KIAA0825: variants seen among roughly 807,000 people sequenced by gnomAD.
KIAA0825 encodes the protein KIAA0825.
KIAA0825 carries 119 observed loss-of-function variants against 147.6 expected under a neutral mutation model. That is an observed-to-expected ratio of 0.81 (90% CI 0.69 to 0.94). The LOEUF is 0.94. Ranked by LOEUF, KIAA0825 falls within the 40% of genes least tolerant of loss-of-function variation. KIAA0825 has a pLI of 0.00. For missense variants in KIAA0825, 1,381 were observed against 1,472.7 expected, an observed-to-expected ratio of 0.94 and a Z score of 1.02; for synonymous variants, 470 against 518.1, an observed-to-expected ratio of 0.91 and a Z score of 1.26.
chr5:94,242,008 A>G (rs918919590), intron 20 of KIAA0825, among the ~76,000 whole-genome samples: 1 of 152,228 alleles, frequency 6.6e-6, no homozygotes, highest in East Asian at 1.9e-4. Context: ...ACTCATTTAT[A>G]TGGAAAGAGA....
intron 19 of KIAA0825, among the ~76,000 whole-genome samples, chr5:94,385,250 A>G (rs1330691124): frequency 4.6e-5 from 7 of 152,188 alleles, no homozygotes; most frequent in African/African-American, 1.7e-4. Flanking sequence ...AGTTTTGAAA[A>G]CAAGAGTCCA....
At chr5:94,319,953 T>C (rs1037375313) in intron 20 of KIAA0825, among the ~76,000 whole-genome samples, 2 of 151,998 alleles carry the variant, frequency 1.3e-5, no homozygotes, top group African/African-American at 2.4e-5. Context: ...GCTCCAGTCC[T>C]AAGGGTCTTC....
intron 20 of KIAA0825, among the ~76,000 whole-genome samples, chr5:94,301,103 T>C (rs1449649601): frequency 6.6e-6 from 1 of 152,214 alleles, no homozygotes; most frequent in African/African-American, 2.4e-5. Flanking sequence ...ATAGCCTCTT[T>C]CACTTTTAAA....
At chr5:94,190,939 G>C (rs994428156) in intron 20 of KIAA0825, among the ~76,000 whole-genome samples, 2 of 152,128 alleles carry the variant, frequency 1.3e-5, no homozygotes, top group African/African-American at 4.8e-5. Flanking sequence ...ATCTGAGTTA[G>C]TATGGGTAGG....
intron 20 of KIAA0825, among the ~76,000 whole-genome samples, chr5:94,352,553 G>A (rs1331568616): frequency 6.6e-6 from 1 of 152,118 alleles, no homozygotes; most frequent in Non-Finnish European, 1.5e-5. Context: ...ATTTGATCCA[G>A]CAATCCCACT....
intron 20 of KIAA0825, among the ~76,000 whole-genome samples, chr5:94,308,601 A>G (rs530301962): frequency 9.2e-5 from 14 of 151,848 alleles, no homozygotes; most frequent in Non-Finnish European, 1.8e-4. Context: ...GCTGAATACA[A>G]AGATTACTCA....
chr5:94,224,327 C>A (rs935798204), intron 20 of KIAA0825, among the ~76,000 whole-genome samples: 1 of 151,714 alleles, frequency 6.6e-6, no homozygotes, highest in Non-Finnish European at 1.5e-5. Context: ...AACTCCTGAC[C>A]TCAGGTGATC....
At chr5:94,478,004 T>A (rs1762091753) in intron 6 of KIAA0825, among the ~76,000 whole-genome samples, 1 of 152,198 alleles carries the variant, frequency 6.6e-6, no homozygotes, top group Admixed American at 6.5e-5. Context: ...CTAACTTTTC[T>A]TTTTTCCCCA....
intron 20 of KIAA0825, among the ~76,000 whole-genome samples, chr5:94,166,513 T>C (rs975028425): frequency 6.9e-6 from 1 of 145,852 alleles, no homozygotes; most frequent in African/African-American, 2.5e-5. Flanking sequence ...TGTTTTTTTT[T>C]TTTTTTTTTT....
chr5:94,381,752 G>A (rs967508612), intron 20 of KIAA0825, among the ~76,000 whole-genome samples: 2 of 152,100 alleles, frequency 1.3e-5, no homozygotes, highest in Non-Finnish European at 2.9e-5. Context: ...TAAAGATAAG[G>A]AAATCTAAAG....
intron 18 of KIAA0825, among the ~76,000 whole-genome samples, chr5:94,390,752 G>C (rs1309953268): frequency 6.6e-6 from 1 of 152,162 alleles, no homozygotes; most frequent in Admixed American, 6.5e-5. Flanking sequence ...CCCTGAAAAT[G>C]TATGGTTATA....
rs1241314093 is a variant in KIAA0825 at position 94,273,247 on chromosome 5, C to T, written c.3710+111121G>A. On this transcript the variant is annotated intron_variant, in intron 20 of 20. Transcript: ENST00000682413. Reference sequence around the variant, plus strand: ...GAAGTTGTTACTACAGTGCCTTGCACATAGTAAGAACTCAAAAAATGTTAG... The same window carrying T: ...GAAGTTGTTACTACAGTGCCTTGCATATAGTAAGAACTCAAAAAATGTTAG... 2.6e-5 allele frequency among the ~76,000 whole-genome samples: 4 copies of T among 152,154 alleles called. No individual in the cohort carries two copies. The East Asian group carries it at 7.7e-4, about 29-fold the overall frequency.
intron 1 of KIAA0825, among the ~76,000 whole-genome samples, chr5:94,589,838 C>T (rs918497680): frequency 1.5e-5 from 2 of 134,716 alleles, no homozygotes; most frequent in African/African-American, 5.8e-5. Context: ...TCCTGTCTCA[C>T]TTTAAAAAAA....
chr5:94,248,596 A>G (rs948283991), intron 20 of KIAA0825, among the ~76,000 whole-genome samples: 1 of 152,128 alleles, frequency 6.6e-6, no homozygotes, highest in African/African-American at 2.4e-5. Context: ...AATACAGAAC[A>G]TAGTAGAAAG....
chr5:94,464,796 A>C, intron 11 of KIAA0825, 73 bp downstream of exon 11: 1 of 1,281,924 alleles, frequency 7.8e-7, no homozygotes, highest in Non-Finnish European at 1.1e-6. Context: ...ATGTCATGAG[A>C]TTCAGAATTC....
Position 94,153,801 on chromosome 5 carries a change from G to GA in KIAA0825, c.*205dup, listed in dbSNP as rs1265486616. On this transcript the variant is annotated 3_prime_UTR_variant, in exon 21 of 21. Coordinates refer to ENST00000682413, the MANE Select transcript of KIAA0825 (RefSeq NM_001145678.3). ...CATATAAAGAGAAAGATTGGGGAAA[G>GA]AAAAACATTTGAAATTATTTTTAAA... 1.5e-5 allele frequency: 6 copies of GA among 407,466 alleles called. No individual in the cohort carries two copies. Among genetic ancestry groups the GA allele is most frequent in the Non-Finnish European group, 2.2e-5 (5 of 229,936 alleles). 25.2% of individuals were successfully genotyped at this position (407,466 alleles called of 1,614,324 possible).
intron 20 of KIAA0825, among the ~76,000 whole-genome samples, chr5:94,281,614 T>C (rs541294342): frequency 1.0e-3 from 154 of 152,166 alleles, no homozygotes; most frequent in African/African-American, 3.5e-3. Context: ...GGATAATTGT[T>C]AGGGCTGCCT....
intron 20 of KIAA0825, among the ~76,000 whole-genome samples, chr5:94,171,314 C>G (rs1768592558): frequency 6.6e-6 from 1 of 152,162 alleles, no homozygotes; most frequent in South Asian, 2.1e-4. Context: ...CTTGCTCCTT[C>G]CACCATGATT....
chr5:94,610,614 A>T (rs529038721), intron 1 of KIAA0825, among the ~76,000 whole-genome samples: 1 of 147,884 alleles, frequency 6.8e-6, no homozygotes, highest in East Asian at 2.0e-4. Flanking sequence ...ATACAAAAAA[A>T]ATTAGCTGGG....
Sources: allele counts gnomAD v4.1 joint callset (sites outside exome capture counted in the v4.1 genomes callset), GRCh38; gene constraint gnomAD v4.1.1; transcripts MANE v1.5; gene names NCBI Gene and HGNC (gene_info 2026-07-23, HGNC 2026-07-21).